Variants in RAPGEF1 observed in about 807,000 individuals in gnomAD.
RAPGEF1 encodes CRK SH3-binding GNRP.
RAPGEF1 carries 33 observed loss-of-function variants against 143.3 expected under a neutral mutation model. That is an observed-to-expected ratio of 0.23 (90% CI 0.17 to 0.31). The LOEUF (loss-of-function observed/expected upper bound fraction) is 0.31, where lower values mean the gene tolerates loss of function less well. Among genes scored for constraint, RAPGEF1 ranks in the 10% least tolerant of loss-of-function variants. RAPGEF1 has a pLI of 1.00. For synonymous variants in RAPGEF1, 629 were observed against 676.5 expected, an observed-to-expected ratio of 0.93 and a Z score of 1.09; for missense variants, 1,199 against 1,645.4, an observed-to-expected ratio of 0.73 and a Z score of 4.69.
At chr9:131,710,691 C>A (rs577711063) in intron 1 of RAPGEF1, among the ~76,000 whole-genome samples, 83 of 152,190 alleles carry the variant, frequency 5.5e-4, no homozygotes, top group Non-Finnish European at 1.0e-3. Flanking sequence ...GAGTTCAAAA[C>A]CAGACTGGCC....
chr9:131,701,720 A>G (rs1381133610), intron 1 of RAPGEF1, among the ~76,000 whole-genome samples: 1 of 152,230 alleles, frequency 6.6e-6, no homozygotes, highest in Non-Finnish European at 1.5e-5. Flanking sequence ...GCGTTATTAT[A>G]TCACTGTTAT....
chr9:131,684,175 G>A (rs1053382607), intron 1 of RAPGEF1, among the ~76,000 whole-genome samples: 1 of 152,194 alleles, frequency 6.6e-6, no homozygotes, highest in African/African-American at 2.4e-5. Flanking sequence ...GTTAACCCTC[G>A]AGGACTGGAA....
intron 22 of RAPGEF1, among the ~76,000 whole-genome samples, chr9:131,585,346 A>G (rs1345613599): frequency 7.5e-6 from 1 of 132,598 alleles, no homozygotes; most frequent in Non-Finnish European, 1.7e-5. Context: ...GCTCTTGGCT[A>G]ATTTTAATTT....
At chr9:131,732,141 C>A (rs1242395511) in intron 1 of RAPGEF1, among the ~76,000 whole-genome samples, 1 of 152,108 alleles carries the variant, frequency 6.6e-6, no homozygotes, top group African/African-American at 2.4e-5. Context: ...ACACCAACAG[C>A]CTGCACCCCA....
chr9:131,676,688 T>C (rs1342593844), intron 1 of RAPGEF1, among the ~76,000 whole-genome samples: 1 of 152,250 alleles, frequency 6.6e-6, no homozygotes, highest in Non-Finnish European at 1.5e-5. Context: ...TATATTTCTC[T>C]GTCCTCAAGT....
chr9:131,715,050 G>A (rs1464825082), intron 1 of RAPGEF1, among the ~76,000 whole-genome samples: 1 of 152,002 alleles, frequency 6.6e-6, no homozygotes, highest in African/African-American at 2.4e-5. Context: ...AGGCCTGGAG[G>A]AAATCATCGA....
chr9:131,637,414 T>C (rs914363327), intron 5 of RAPGEF1, among the ~76,000 whole-genome samples: 8 of 152,172 alleles, frequency 5.3e-5, no homozygotes, highest in African/African-American at 1.9e-4. Flanking sequence ...CAATTTGCAA[T>C]GCTGAGCAAT....
At chr9:131,582,544 T>C (rs1952029179) in intron 25 of RAPGEF1, 61 bp downstream of exon 25, 7 of 1,209,088 alleles carry the variant, frequency 5.8e-6, no homozygotes, top group Non-Finnish European at 7.9e-6. Context: ...TGACAGATCT[T>C]CCCCAGAGCA....
At position 131,578,070 on chromosome 9, in the gene RAPGEF1, C is replaced by T. The variant is rs951127345; in HGVS notation, c.*1427G>A. 8 of 152,226 alleles carry T rather than the reference C, an allele frequency of 5.3e-5. No individual in the cohort carries two copies. In the East Asian group the frequency reaches 9.6e-4, roughly 18 times the overall value. The allele number at this position is 152,226 out of a possible 1,614,324, so 9.4% of individuals were successfully genotyped here. ...TTAGACCCTGCTGTTCACTTGACCA[C>T]GTCCTAAACCCGGGACAAGTGAGCA... On this transcript the variant is annotated 3_prime_UTR_variant, in exon 27 of 27. Transcript: ENST00000683357.
chr9:131,662,465 T>C (rs1487593615), intron 1 of RAPGEF1, among the ~76,000 whole-genome samples: 1 of 152,164 alleles, frequency 6.6e-6, no homozygotes, highest in Non-Finnish European at 1.5e-5. Flanking sequence ...ACTGTAGCTA[T>C]GACCTCTGGG....
chr9:131,584,575 T>G lies in RAPGEF1; in HGVS notation c.3255A>C (p.Leu1085Phe). The G allele has an allele frequency of 6.2e-7, 1 of 1,613,914 alleles. No individual in the cohort carries two copies. The highest frequency in any genetic ancestry group is 8.5e-7 in the Non-Finnish European group (1 of 1,179,864). ...MSYWVRSIIM[L>F]QEKAQDRERL... is the part of the protein sequence containing the mutation. The stretch of plus-strand genomic sequence containing the variant: ...GTTCCCTGTCCTGGGCCTTTTCCTG[T>G]AACATGATTATGGACCGGACCCTGC... The change falls in exon 23 of 27, where the codon TTA becomes TTC. Residue 1085 changes from leucine (L) to phenylalanine (F), a missense_variant. This residue lies in a region of RAPGEF1 where 209 missense variants were observed against 403.0 expected (regional missense o/e 0.52). Transcript: ENST00000683357. This position sits in a 1 kb window ranked among gnomAD's most constrained non-coding sequence, Gnocchi z 6.8.
chr9:131,702,299 AC>A (rs1432432357), intron 1 of RAPGEF1, among the ~76,000 whole-genome samples: 1 of 152,256 alleles, frequency 6.6e-6, no homozygotes, highest in African/African-American at 2.4e-5. Context: ...AAGGCAGAAG[AC>A]AAAAAGTTGT....
Position 131,650,741 on chromosome 9 carries a change from A to G in RAPGEF1, c.201+69T>C. 4 of 1,574,754 alleles carry G rather than the reference A, an allele frequency of 2.5e-6. No homozygotes were observed. The highest frequency in any genetic ancestry group is 3.5e-6 in the Non-Finnish European group (4 of 1,158,586). On this transcript the variant is annotated intron_variant, in intron 2 of 26. Transcript: ENST00000683357. This position sits in a 1 kb window ranked among gnomAD's most constrained non-coding sequence, Gnocchi z 4.7. ...AAAGCTCAATCCCCAGGGAGGGAACATACAAATCGCACAAACTCATATTGC... is the reference window on the plus strand; with the variant it reads ...AAAGCTCAATCCCCAGGGAGGGAACGTACAAATCGCACAAACTCATATTGC...
At chr9:131,689,627 C>G (rs1290558872) in intron 1 of RAPGEF1, among the ~76,000 whole-genome samples, 1 of 152,066 alleles carries the variant, frequency 6.6e-6, no homozygotes, top group African/African-American at 2.4e-5. Context: ...CAACCTCTGC[C>G]TCCTGGGTTC....
At chr9:131,669,272 C>G (rs1830959965) in intron 1 of RAPGEF1, among the ~76,000 whole-genome samples, 1 of 152,224 alleles carries the variant, frequency 6.6e-6, no homozygotes, top group Admixed American at 6.5e-5. Context: ...ATGTATTTAT[C>G]TCCCAGACAA....
At position 131,604,045 on chromosome 9, in the gene RAPGEF1, GT is replaced by G; in HGVS notation, c.2327del (p.Asn776ThrfsTer91). On this transcript the variant is annotated frameshift_variant, in exon 14 of 27. Transcript: ENST00000683357. LOFTEE classifies it high-confidence loss of function. ...SETSFTDSSE[N>X]ASEEAGEGEY... Reference sequence around the variant, plus strand: ...CACCCTCACCAGCTTCCTCACTGGCGTTTTCACTCTGGGGGAGACAGGACGA... The same window carrying G: ...CACCCTCACCAGCTTCCTCACTGGCGTTTCACTCTGGGGGAGACAGGACGA... 1 of 1,330,610 alleles carries G rather than the reference GT, an allele frequency of 7.5e-7. No individual in the cohort carries two copies. Among genetic ancestry groups the G allele is most frequent in the Non-Finnish European group, 1.0e-6 (1 of 1,001,818 alleles). The allele number at this position is 1,330,610 out of a possible 1,614,324, so 82.4% of individuals were successfully genotyped here.
chr9:131,596,422 G>C (rs748219524), intron 16 of RAPGEF1, 49 bp from the exon 17 acceptor site: 4 of 1,577,562 alleles, frequency 2.5e-6, no homozygotes, highest in Non-Finnish European at 3.5e-6. Flanking sequence ...ATGCCCTTCA[G>C]AGAATCAGTT....
chr9:131,689,729 G>A (rs139787806), intron 1 of RAPGEF1, among the ~76,000 whole-genome samples: 13,364 of 151,970 alleles, frequency 0.088, 730 homozygotes, highest in East Asian at 0.26. Flanking sequence ...GTAGAGACGG[G>A]GTTTCACTGT....
chr9:131,650,377 G>A lies in RAPGEF1; in HGVS notation c.202-135C>T, dbSNP rs755004276. The A allele has an allele frequency of 1.2e-4, 77 of 654,016 alleles. No individual in the cohort carries two copies. Among genetic ancestry groups the A allele is most frequent in the Non-Finnish European group, 1.7e-4 (64 of 382,656 alleles). The allele number at this position is 654,016 out of a possible 1,614,324, so 40.5% of individuals were successfully genotyped here. A position where few individuals can be genotyped will look rare whatever the true frequency, so the allele number is the denominator to read the frequency against. ...CCCTGCTGAGGCCACTAACTCTTGAGGACATCTTTGGCTGTGTCTCAAGGG... is the reference window on the plus strand; with the variant it reads ...CCCTGCTGAGGCCACTAACTCTTGAAGACATCTTTGGCTGTGTCTCAAGGG... On this transcript the variant is annotated intron_variant, in intron 2 of 26. Transcript: ENST00000683357. This position sits in a 1 kb window ranked among gnomAD's most constrained non-coding sequence, Gnocchi z 4.7.
Sources: allele counts gnomAD v4.1 joint callset (sites outside exome capture counted in the v4.1 genomes callset), GRCh38; gene constraint gnomAD v4.1.1; regional missense constraint gnomAD v4.1.1; non-coding constraint Gnocchi (gnomAD v3.1); transcripts MANE v1.5; gene names NCBI Gene and HGNC (gene_info 2026-07-23, HGNC 2026-07-21).